The following DPP6 variants were observed in gnomAD, a reference collection of about 807,000 sequenced individuals.
DPP6 encodes dipeptidyl peptidase like 6, also known as A-type potassium channel modulatory protein DPP6.
Under a neutral mutation model 122.6 loss-of-function variants are expected in DPP6, and 69 were observed. That is an observed-to-expected ratio of 0.56 (90% CI 0.46 to 0.69). The LOEUF is 0.69. Ranked by LOEUF, DPP6 falls within the 30% of genes least tolerant of loss-of-function variation. The pLI, the probability that DPP6 is intolerant of heterozygous loss-of-function variation, is 0.00. For missense variants in DPP6, 928 were observed against 1,116.9 expected, an observed-to-expected ratio of 0.83 and a Z score of 2.41; for synonymous variants, 418 against 433.1, an observed-to-expected ratio of 0.97 and a Z score of 0.43.
chr7:154,004,908 G>A lies in DPP6; in HGVS notation c.51+117174G>A, dbSNP rs554482381. Among the ~76,000 whole-genome samples the A allele has an allele frequency of 9.7e-4, 147 of 152,286 alleles. No individual in the cohort carries two copies. In the Middle Eastern group the frequency reaches 0.024, roughly 25 times the overall value. ...TCATTTCTCCTAATATATGCTGTCT[G>A]TACATTTGTCGCCTATAATAGTTGT... On this transcript the variant is annotated intron_variant, in intron 1 of 25. Transcript: ENST00000404039.
intron 1 of DPP6, among the ~76,000 whole-genome samples, chr7:153,920,870 G>A (rs1023938870): frequency 6.6e-6 from 1 of 152,006 alleles, no homozygotes. Context: ...TTTCTTACAC[G>A]TTATTAATAT....
chr7:154,492,919 A>G (rs1460844573), intron 3 of DPP6, among the ~76,000 whole-genome samples: 2 of 152,204 alleles, frequency 1.3e-5, no homozygotes, highest in Admixed American at 1.3e-4. Context: ...ACGAGTCCAG[A>G]ACTAAGATGT....
chr7:154,807,253 T>A (rs1798760276), intron 16 of DPP6, 141 bp downstream of exon 16: 1 of 1,260,652 alleles, frequency 7.9e-7, no homozygotes, highest in Non-Finnish European at 1.1e-6. Context: ...CCCGCCTACC[T>A]GATAACATTG....
At chr7:154,879,940 T>C (rs530610987) in intron 20 of DPP6, among the ~76,000 whole-genome samples, 1 of 152,260 alleles carries the variant, frequency 6.6e-6, no homozygotes, top group Admixed American at 6.5e-5. Context: ...TCTCTTCCGG[T>C]TTTCCTCTTG....
chr7:154,496,467 A>C (rs75861197), intron 3 of DPP6, among the ~76,000 whole-genome samples: 3,714 of 152,344 alleles, frequency 0.024, 163 homozygotes, highest in African/African-American at 0.083. Flanking sequence ...TATTTATCCC[A>C]TAATTTTCAG....
At chr7:154,548,943 G>A (rs1483077549) in intron 4 of DPP6, among the ~76,000 whole-genome samples, 2 of 152,140 alleles carry the variant, frequency 1.3e-5, no homozygotes, top group African/African-American at 4.8e-5. Context: ...TGGCATAATA[G>A]GCAAAATGAA....
intron 16 of DPP6, among the ~76,000 whole-genome samples, chr7:154,819,340 G>A (rs1435911510): frequency 2.0e-5 from 3 of 152,184 alleles, no homozygotes; most frequent in African/African-American, 4.8e-5. Flanking sequence ...ACTTGAACCC[G>A]GGAAGCAGAG....
At chr7:154,378,729 T>G (rs1190181689) in intron 1 of DPP6, among the ~76,000 whole-genome samples, 2 of 152,222 alleles carry the variant, frequency 1.3e-5, no homozygotes, top group Non-Finnish European at 2.9e-5. Flanking sequence ...GACTGGATAA[T>G]TTTTGAAGAA....
At chr7:154,511,131 G>T (rs1426426426) in intron 3 of DPP6, among the ~76,000 whole-genome samples, 2 of 152,182 alleles carry the variant, frequency 1.3e-5, no homozygotes, top group Admixed American at 6.5e-5. Context: ...AGGGAAGATT[G>T]TTCAGGAAAT....
chr7:153,930,748 G>A (rs1801134552), intron 1 of DPP6, among the ~76,000 whole-genome samples: 1 of 152,154 alleles, frequency 6.6e-6, no homozygotes, highest in African/African-American at 2.4e-5. Context: ...GACAGTTCAG[G>A]GAGGCAGAGT....
intron 8 of DPP6, among the ~76,000 whole-genome samples, chr7:154,749,019 GGA>G (rs1249862309): frequency 6.6e-6 from 1 of 151,188 alleles, no homozygotes; most frequent in Non-Finnish European, 1.5e-5. Flanking sequence ...GGACGGGACA[GGA>G]GAGAGAGGGA....
chr7:154,066,507 G>T (rs1458841956), intron 1 of DPP6, among the ~76,000 whole-genome samples: 1 of 152,200 alleles, frequency 6.6e-6, no homozygotes, highest in Admixed American at 6.5e-5. Flanking sequence ...GGCCCTGCAG[G>T]CATTCACATG....
chr7:154,599,738 T>C (rs1173593151), intron 5 of DPP6, among the ~76,000 whole-genome samples: 1 of 151,944 alleles, frequency 6.6e-6, no homozygotes, highest in African/African-American at 2.4e-5. Context: ...TTCTCATTGT[T>C]CAATTCCCAC....
rs1803055681 is a variant in DPP6 at position 154,262,032 on chromosome 7, AGAGG to A, written c.244-184177_244-184174del. The stretch of plus-strand genomic sequence containing the variant: ...GGGAGGGAGAGAGGGAGAGAGGGAG[AGAGG>A]GAGGAAGGAGAAAGAAGAGAGCTGG... On this transcript the variant is annotated intron_variant, in intron 1 of 25. Coordinates refer to ENST00000377770, the MANE Select transcript of DPP6 (RefSeq NM_130797.4). Among the ~76,000 whole-genome samples, 4 of 151,920 alleles carry A rather than the reference AGAGG, an allele frequency of 2.6e-5. No homozygotes were observed. The South Asian group carries it at 8.3e-4, about 32-fold the overall frequency.
intron 1 of DPP6, among the ~76,000 whole-genome samples, chr7:154,334,676 A>G (rs1193173078): frequency 2.6e-5 from 4 of 152,184 alleles, no homozygotes; most frequent in Non-Finnish European, 4.4e-5. Context: ...GTGGCAGATC[A>G]CTTGAGGTCA....
At chr7:154,889,239 C>CCT in intron 23 of DPP6, 33 bp from the exon 24 acceptor site, 1 of 1,608,334 alleles carries the variant, frequency 6.2e-7, no homozygotes, top group Non-Finnish European at 8.5e-7. Flanking sequence ...AGTGCAGCCC[C>CCT]CTAACTCTGT....
intron 17 of DPP6, among the ~76,000 whole-genome samples, chr7:154,861,250 AT>A (rs987148378): frequency 6.6e-5 from 10 of 151,766 alleles, no homozygotes; most frequent in Non-Finnish European, 1.3e-4. Context: ...CCCTAAGATA[AT>A]TTTTGAAAAA....
intron 1 of DPP6, among the ~76,000 whole-genome samples, chr7:154,044,721 G>A (rs1410078620): frequency 6.6e-6 from 1 of 152,176 alleles, no homozygotes; most frequent in Non-Finnish European, 1.5e-5. Context: ...CCTTTAACAT[G>A]CTTGAAAGGA....
intron 3 of DPP6, among the ~76,000 whole-genome samples, chr7:154,535,268 T>G (rs1828146867): frequency 6.6e-6 from 1 of 152,048 alleles, no homozygotes; most frequent in African/African-American, 2.4e-5. Flanking sequence ...TTATTAGAAT[T>G]CTAAAAGAAA....
Sources: gnomAD v4.1 joint callset for allele counts (sites outside exome capture counted in the v4.1 genomes callset) on GRCh38, gnomAD v4.1.1 for gene constraint, MANE v1.5 for transcripts, NCBI Gene and HGNC (gene_info 2026-07-23, HGNC 2026-07-21) for gene names.